Variants in FLVCR1 observed in about 807,000 individuals in gnomAD.
The protein encoded by FLVCR1 is FLVCR choline and heme transporter 1.
In FLVCR1, 34 loss-of-function variants were observed where a neutral mutation model predicts 53.6. That is an observed-to-expected ratio of 0.63 (90% confidence interval 0.48 to 0.84). The LOEUF is 0.84. Ranked by LOEUF, FLVCR1 falls within the 40% of genes least tolerant of loss-of-function variation. The pLI, the probability that FLVCR1 is intolerant of heterozygous loss-of-function variation, is 0.00. For synonymous variants in FLVCR1, 300 were observed against 286.3 expected (o/e 1.05, Z -0.48); for missense variants, 677 against 696.7 (o/e 0.97, Z 0.32).
intron 2 of FLVCR1, among the ~76,000 whole-genome samples, chr1:212,866,417 G>A (rs955272792): frequency 1.3e-5 from 2 of 151,730 alleles, no homozygotes; most frequent in African/African-American, 2.4e-5. Flanking sequence ...CACTGCACCC[G>A]GCCAAAATTC....
intron 1 of FLVCR1, among the ~76,000 whole-genome samples, chr1:212,863,302 G>A (rs1425616894): frequency 6.6e-6 from 1 of 152,140 alleles, no homozygotes; most frequent in Non-Finnish European, 1.5e-5. Flanking sequence ...TTAGAGCATA[G>A]TAGTTTAGGC....
At chr1:212,889,295 CAT>C in intron 8 of FLVCR1, 38 bp downstream of exon 8, 2 of 1,286,498 alleles carry the variant, frequency 1.6e-6, no homozygotes, top group Admixed American at 1.7e-5. Flanking sequence ...GGACTTGTGT[CAT>C]GTGTTAATTT....
Position 212,885,506 on chromosome 1 carries a change from C to T in FLVCR1, c.1196+110C>T, listed in dbSNP as rs41300949. The T allele has an allele frequency of 3.0e-4, 214 of 706,736 alleles. No homozygotes were observed. The African/African-American group carries it at 3.4e-3, about 11-fold the overall frequency. The allele number at this position is 706,736 out of a possible 1,614,324, so 43.8% of individuals were successfully genotyped here. On this transcript the variant is annotated intron_variant, in intron 5 of 9. Transcript: ENST00000366971. ...TAAAACATGTTATTACTTAAAGATA[C>T]GGATTCTAAACACTAGTAGGTTCTC...
chr1:212,882,328 A>G (rs1664952653), intron 3 of FLVCR1, among the ~76,000 whole-genome samples: 1 of 152,238 alleles, frequency 6.6e-6, no homozygotes, highest in South Asian at 2.1e-4. Flanking sequence ...AACAAAAAAT[A>G]TCAACATGGA....
rs997675317 is a variant in FLVCR1 at position 212,893,068 on chromosome 1, G to T, written c.1526-1918G>T. ...TGAAGGGTTGCTTCTTTTTTTTTGG[G>T]GGGGGGTGCCGGAATGTTGCTGTGT... On this transcript the variant is annotated intron_variant, in intron 8 of 9. Coordinates refer to ENST00000366971, the MANE Select transcript of FLVCR1 (RefSeq NM_014053.4). 1.9e-3 allele frequency among the ~76,000 whole-genome samples: 126 copies of T among 67,548 alleles called. 1 individual carries two copies. Among genetic ancestry groups the T allele is most frequent in the African/African-American group, 3.7e-3 (110 of 29,798 alleles). The allele number at this position is 67,548 out of a possible 152,430, so 44.3% of individuals were successfully genotyped here. A position where few individuals can be genotyped will look rare whatever the true frequency, so the allele number is the denominator to read the frequency against.
chr1:212,859,136 GT>G lies in FLVCR1; in HGVS notation c.687del (p.Phe229LeufsTer31). On this transcript the variant is annotated frameshift_variant, in exon 1 of 10. Transcript: ENST00000366971. LOFTEE classifies it high-confidence loss of function. ...GLPSRIASVW[F>X]GPKEVSTACA... ...TGCCCTCCCGCATCGCCTCAGTGTGGTTTGGGCCCAAAGAGGTGTCCACAGC... is the reference window on the plus strand; with the variant it reads ...TGCCCTCCCGCATCGCCTCAGTGTGGTTGGGCCCAAAGAGGTGTCCACAGC... 1 of 1,614,004 alleles carries G rather than the reference GT, an allele frequency of 6.2e-7. No homozygotes were observed.
intron 8 of FLVCR1, among the ~76,000 whole-genome samples, chr1:212,889,501 T>C (rs187171210): frequency 5.8e-4 from 89 of 152,316 alleles, no homozygotes; most frequent in Non-Finnish European, 9.9e-4. Flanking sequence ...GTGTGTTGGC[T>C]CATGCCTGTA....
At position 212,897,348 on chromosome 1, in the gene FLVCR1, A is replaced by G. The variant is rs1344279979; in HGVS notation, c.*2058A>G. 7.0e-6 allele frequency: 1 copy of G among 142,572 alleles called. No individual in the cohort carries two copies. The highest frequency in any genetic ancestry group is 1.5e-5 in the Non-Finnish European group (1 of 66,300). 8.8% of individuals were successfully genotyped at this position (142,572 alleles called of 1,614,324 possible). A position where few individuals can be genotyped will look rare whatever the true frequency, so the allele number is the denominator to read the frequency against. On this transcript the variant is annotated 3_prime_UTR_variant, in exon 10 of 10. Coordinates refer to ENST00000366971, the MANE Select transcript of FLVCR1 (RefSeq NM_014053.4). ...AAAACCCCATCTCTACTAAAAATAC[A>G]TACACACACACACACACACACAAAT...
chr1:212,871,207 CTTCTA>C (rs1404154058), intron 2 of FLVCR1, among the ~76,000 whole-genome samples: 1 of 152,028 alleles, frequency 6.6e-6, no homozygotes, highest in Non-Finnish European at 1.5e-5. Context: ...ATGTGAAAAC[CTTCTA>C]TTGATACCTG....
At chr1:212,887,752 G>A in intron 5 of FLVCR1, 139 bp from the exon 6 acceptor site, 1 of 597,790 alleles carries the variant, frequency 1.7e-6, no homozygotes, top group South Asian at 2.0e-5. Flanking sequence ...TTTGTGCTTT[G>A]GTGGATACAT....
chr1:212,868,928 A>C (rs1438005971), intron 2 of FLVCR1, among the ~76,000 whole-genome samples: 5 of 152,220 alleles, frequency 3.3e-5, no homozygotes, highest in Admixed American at 1.3e-4. Flanking sequence ...AAAGCTGTAA[A>C]GGTGAGAGAC....
Position 212,862,977 on chromosome 1 carries a change from G to A in FLVCR1, c.739-748G>A, listed in dbSNP as rs377652032. Among the ~76,000 whole-genome samples the A allele has an allele frequency of 6.5e-4, 99 of 152,294 alleles. 1 individual carries two copies. In the South Asian group the frequency reaches 0.019, roughly 29 times the overall value. The stretch of plus-strand genomic sequence containing the variant: ...CTTCTTTGGAGAAATGTCTATTCAA[G>A]TCTTTTGCCCATTTTAAAATTGGGA... On this transcript the variant is annotated intron_variant, in intron 1 of 9. Transcript: ENST00000366971.
At chr1:212,872,844 T>C (rs1386934676) in intron 3 of FLVCR1, 26 bp downstream of exon 3, 1 of 1,612,734 alleles carries the variant, frequency 6.2e-7, no homozygotes, top group South Asian at 1.1e-5. Context: ...GTACTTTCTT[T>C]AATGTCTGTG....
chr1:212,886,038 TGTTC>T (rs1275100329), intron 5 of FLVCR1, among the ~76,000 whole-genome samples: 14 of 106,508 alleles, frequency 1.3e-4, no homozygotes, highest in Non-Finnish European at 1.9e-4. Flanking sequence ...GACTTTATCT[TGTTC>T]TTTTTTTTTT....
At chr1:212,881,340 CGAATTTCT>C (rs1664923966) in intron 3 of FLVCR1, among the ~76,000 whole-genome samples, 1 of 84,206 alleles carries the variant, frequency 1.2e-5, no homozygotes, top group African/African-American at 3.8e-5. Flanking sequence ...CTCACTCTGT[CGAATTTCT>C]TTTTTTTTGA....
In FLVCR1 at chr1:212,866,474, CT is replaced by C. The variant is rs200827176; in HGVS notation, c.883+2620del. On this transcript the variant is annotated intron_variant, in intron 2 of 9. Coordinates refer to ENST00000366971, the MANE Select transcript of FLVCR1 (RefSeq NM_014053.4). ...TGTCTTCACATAAATTCTGATTTTCCTTTTTTTTTTTTTTTAAATCCTCTTC... is the reference window on the plus strand; with the variant it reads ...TGTCTTCACATAAATTCTGATTTTCCTTTTTTTTTTTTTTAAATCCTCTTC... Among the ~76,000 whole-genome samples, 296 of 147,694 alleles carry C rather than the reference CT, an allele frequency of 2.0e-3. 1 individual carries two copies. Among genetic ancestry groups the C allele is most frequent in the African/African-American group, 2.7e-3 (109 of 39,942 alleles).
rs374421040 is a variant in FLVCR1, at chr1:212,863,419, G to A, written c.739-306G>A. On this transcript the variant is annotated intron_variant, in intron 1 of 9. Transcript: ENST00000366971. ...AGCCTGACCAACATGGTGAAACCCC[G>A]TCTGTACTAAAATACAAAAATTAGC... Among the ~76,000 whole-genome samples, 9 of 152,122 alleles carry A rather than the reference G, an allele frequency of 5.9e-5. No individual in the cohort carries two copies. In the South Asian group the frequency reaches 1.9e-3, roughly 32 times the overall value.
rs1665099662 is a variant in FLVCR1, at chr1:212,887,938, T to C, written c.1244T>C (p.Ile415Thr). 10 of 1,603,222 alleles carry C rather than the reference T, an allele frequency of 6.2e-6. No individual in the cohort carries two copies. Among genetic ancestry groups the C allele is most frequent in the Non-Finnish European group, 8.5e-6 (10 of 1,170,664 alleles). ...ATTTTGTCTTTTATTGGAATGGTTA[T>C]CTTTACTTTCACATTGGACCTTAGA... is the stretch of plus-strand genomic sequence containing the variant. The part of the protein sequence containing the change: ...VYILSFIGMV[I>T]FTFTLDLRYI... Residue 415 changes from isoleucine (I) to threonine (T), a missense_variant, in exon 6 of 10, where the codon ATC becomes ACC. Ile to Thr is a moderately conservative substitution (Grantham distance 89, BLOSUM62 -1). Transcript: ENST00000366971.
In FLVCR1 at chr1:212,881,301, C is replaced by CTTTT. The variant is rs35751115; in HGVS notation, c.1025-2055_1025-2052dup. Among the ~76,000 whole-genome samples the CTTTT allele has an allele frequency of 3.0e-4, 36 of 119,658 alleles. 1 individual carries two copies. The highest frequency in any genetic ancestry group is 1.4e-3 in the South Asian group (5 of 3,558). The allele number at this position is 119,658 out of a possible 152,430, so 78.5% of individuals were successfully genotyped here. On this transcript the variant is annotated intron_variant, in intron 3 of 9. Transcript: ENST00000366971. Reference sequence around the variant, plus strand: ...TAGTATTCCCAAAGAATTTCTTTGTCTTTTTTTTTTTTTTTTTTGAGACAG... The same window carrying CTTTT: ...TAGTATTCCCAAAGAATTTCTTTGTCTTTTTTTTTTTTTTTTTTTTTTGAGACAG...
Sources: allele counts gnomAD v4.1 joint callset (sites outside exome capture counted in the v4.1 genomes callset), GRCh38; gene constraint gnomAD v4.1.1; transcripts MANE v1.5; gene names NCBI Gene and HGNC (gene_info 2026-07-23, HGNC 2026-07-21).